Variants in PRKCA observed in about 807,000 individuals in gnomAD.
PRKCA encodes the protein protein kinase C alpha.
A neutral mutation model predicts 87.0 loss-of-function variants in PRKCA; 27 were observed. The ratio of observed to expected loss-of-function variants is 0.31; its 90% CI spans 0.23 to 0.43. PRKCA has a LOEUF of 0.43. Among genes scored for constraint, PRKCA ranks in the 20% least tolerant of loss-of-function variants. The pLI is 1.00. For missense variants in PRKCA, 518 were observed against 852.3 expected, an observed-to-expected ratio of 0.61 and a Z score of 4.88; for synonymous variants, 329 against 311.1, an observed-to-expected ratio of 1.06 and a Z score of -0.61.
chr17:66,769,078 G>A (rs562032617), intron 13 of PRKCA, among the ~76,000 whole-genome samples: 35 of 152,200 alleles, frequency 2.3e-4, no homozygotes, highest in South Asian at 4.1e-4. Flanking sequence ...TTAGACTGAC[G>A]GGCTGTGGAA....
intron 3 of PRKCA, among the ~76,000 whole-genome samples, chr17:66,533,576 G>A (rs1358194738): frequency 1.3e-5 from 2 of 152,190 alleles, no homozygotes; most frequent in African/African-American, 4.8e-5. Flanking sequence ...TCAGCCTTCT[G>A]CCTCCTCCTG....
chr17:66,393,799 C>T (rs777146763), intron 2 of PRKCA, among the ~76,000 whole-genome samples: 1 of 152,072 alleles, frequency 6.6e-6, no homozygotes, highest in Non-Finnish European at 1.5e-5. Flanking sequence ...TTTGGCTGGG[C>T]GTGGTGGCTC....
intron 3 of PRKCA, among the ~76,000 whole-genome samples, chr17:66,553,147 A>G (rs890313530): frequency 2.0e-5 from 3 of 151,732 alleles, no homozygotes; most frequent in Non-Finnish European, 2.9e-5. Flanking sequence ...ATGCCTGGCT[A>G]ATTTTTGCAT....
intron 3 of PRKCA, among the ~76,000 whole-genome samples, chr17:66,582,802 C>T (rs897578922): frequency 3.3e-5 from 5 of 152,132 alleles, no homozygotes; most frequent in African/African-American, 1.2e-4. Context: ...CCAACTCTAC[C>T]TTGCTGTTTC....
At chr17:66,637,733 C>A (rs1971182978) in intron 3 of PRKCA, among the ~76,000 whole-genome samples, 1 of 152,142 alleles carries the variant, frequency 6.6e-6, no homozygotes, top group Non-Finnish European at 1.5e-5. Flanking sequence ...CAGTGGTTTT[C>A]CAGTCTTTAG....
chr17:66,693,832 C>A (rs1332660702), intron 8 of PRKCA, among the ~76,000 whole-genome samples: 1 of 152,156 alleles, frequency 6.6e-6, no homozygotes, highest in Non-Finnish European at 1.5e-5. Context: ...TTGGTGTATT[C>A]CAATAACACG....
At chr17:66,335,209 T>C (rs1906584068) in intron 2 of PRKCA, among the ~76,000 whole-genome samples, 1 of 152,070 alleles carries the variant, frequency 6.6e-6, no homozygotes, top group Non-Finnish European at 1.5e-5. Flanking sequence ...GCTCATGACA[T>C]CCTCCATCTC....
At chr17:66,654,876 G>A (rs1363168683) in intron 5 of PRKCA, among the ~76,000 whole-genome samples, 3 of 152,220 alleles carry the variant, frequency 2.0e-5, no homozygotes, top group Non-Finnish European at 4.4e-5. Context: ...ATGGAAACAA[G>A]CCGCTACAGG....
rs112056042 is a variant in PRKCA, at chr17:66,447,136, C to T, written c.206-49065C>T. 2.8e-4 allele frequency among the ~76,000 whole-genome samples: 43 copies of T among 152,244 alleles called. 1 individual carries two copies. The highest frequency in any genetic ancestry group is 9.9e-4 in the African/African-American group (41 of 41,544). On this transcript the variant is annotated intron_variant, in intron 2 of 16. Transcript: ENST00000413366. ...GTAAGAGCTCTCTGTATGTAGAGGA[C>T]CAGCTTTCTGAGAATGTTTTGGCAG...
At chr17:66,553,038 G>T (rs1287756871) in intron 3 of PRKCA, among the ~76,000 whole-genome samples, 2 of 151,734 alleles carry the variant, frequency 1.3e-5, no homozygotes, top group East Asian at 3.9e-4. Context: ...CCAGAGTGCA[G>T]TGGTGTGATC....
At chr17:66,521,207 CACAG>C (rs1967149129) in intron 3 of PRKCA, among the ~76,000 whole-genome samples, 1 of 152,090 alleles carries the variant, frequency 6.6e-6, no homozygotes, top group African/African-American at 2.4e-5. Flanking sequence ...CAAGTATATT[CACAG>C]ACAGTGAAAG....
At chr17:66,630,754 G>C (rs1970988475) in intron 3 of PRKCA, among the ~76,000 whole-genome samples, 1 of 152,182 alleles carries the variant, frequency 6.6e-6, no homozygotes, top group African/African-American at 2.4e-5. Context: ...GTTTCATTGG[G>C]CATCACCAAC....
At chr17:66,489,821 C>T (rs781402387) in intron 2 of PRKCA, among the ~76,000 whole-genome samples, 1 of 151,438 alleles carries the variant, frequency 6.6e-6, no homozygotes, top group Non-Finnish European at 1.5e-5. Flanking sequence ...CACTCTGTCA[C>T]CCAGGCTGGG....
At chr17:66,374,947 G>T (rs1480559395) in intron 2 of PRKCA, among the ~76,000 whole-genome samples, 2 of 151,938 alleles carry the variant, frequency 1.3e-5, no homozygotes, top group Non-Finnish European at 2.9e-5. Context: ...TGCCCAGGGT[G>T]GTCTCAAACT....
At chr17:66,758,135 A>G (rs1004086771) in intron 13 of PRKCA, among the ~76,000 whole-genome samples, 2 of 152,200 alleles carry the variant, frequency 1.3e-5, no homozygotes, top group South Asian at 2.1e-4. Flanking sequence ...AGCCCCCTGC[A>G]CCAGCCGTGG....
At chr17:66,427,271 A>T (rs758210805) in intron 2 of PRKCA, among the ~76,000 whole-genome samples, 1 of 152,174 alleles carries the variant, frequency 6.6e-6, no homozygotes, top group Admixed American at 6.5e-5. Context: ...AGCTCAGGCA[A>T]TCCACCCGCC....
intron 3 of PRKCA, among the ~76,000 whole-genome samples, chr17:66,621,530 G>A (rs1176287297): frequency 6.6e-6 from 1 of 152,128 alleles, no homozygotes; most frequent in Non-Finnish European, 1.5e-5. Context: ...GCTCCATTTA[G>A]GAATTAGAAA....
chr17:66,777,982 G>A (rs1329392191), intron 14 of PRKCA: 1 of 985,272 alleles, frequency 1.0e-6, no homozygotes, highest in Non-Finnish European at 1.2e-6. Flanking sequence ...CCTTTGGGGG[G>A]TGCATTTTGA....
At chr17:66,758,753 A>C (rs1464132306) in intron 13 of PRKCA, among the ~76,000 whole-genome samples, 8 of 152,194 alleles carry the variant, frequency 5.3e-5, no homozygotes. Flanking sequence ...CTCTTGCTGC[A>C]GTTCCTTGGG....
Sources: allele counts gnomAD v4.1 joint callset (sites outside exome capture counted in the v4.1 genomes callset), GRCh38; gene constraint gnomAD v4.1.1; transcripts MANE v1.5; gene names NCBI Gene and HGNC (gene_info 2026-07-23, HGNC 2026-07-21).